The following MTCL3 variants were observed in gnomAD, a reference collection of about 807,000 sequenced individuals.
MTCL3 encodes MTCL family member 3.
the MTCL3 span, among the ~76,000 whole-genome samples, chr6:127,510,003 T>A: frequency 1.6e-4 from 25 of 152,296 alleles, no homozygotes; most frequent in East Asian, 4.6e-3. Context: ...ACCAGAATAT[T>A]ATTTGGTTTT....
At chr6:127,473,236 TAAAC>T in the MTCL3 span, 50 of 1,456,688 alleles carry the variant, frequency 3.4e-5, no homozygotes, top group South Asian at 7.4e-5. Flanking sequence ...GTGAACAAAA[TAAAC>T]AAACTGAAAA....
chr6:127,509,960 T>G, the MTCL3 span, among the ~76,000 whole-genome samples: 3 of 152,234 alleles, frequency 2.0e-5, no homozygotes, highest in Non-Finnish European at 4.4e-5. Flanking sequence ...ACTATGAAGG[T>G]CAACCTCAAA....
the MTCL3 span, among the ~76,000 whole-genome samples, chr6:127,482,052 T>C: frequency 6.6e-6 from 1 of 152,210 alleles, no homozygotes; most frequent in Non-Finnish European, 1.5e-5. The surrounding 1 kb of genome is among the most constrained non-coding windows in gnomAD (Gnocchi z 4.1). Flanking sequence ...GAGGCATGAA[T>C]AATCCACCCC....
the MTCL3 span, among the ~76,000 whole-genome samples, chr6:127,487,813 TTA>T: frequency 8.5e-5 from 13 of 152,130 alleles, no homozygotes; most frequent in African/African-American, 3.1e-4. Context: ...TCTCACTGAG[TTA>T]GAGTCATGCT....
the MTCL3 span, chr6:127,476,594 A>T: frequency 1.4e-6 from 1 of 714,768 alleles, no homozygotes; most frequent in Non-Finnish European, 2.2e-6. The surrounding 1 kb of genome is among the most constrained non-coding windows in gnomAD (Gnocchi z 4.4). Context: ...AGAGAGAAAC[A>T]GAAGCAGATA....
the MTCL3 span, among the ~76,000 whole-genome samples, chr6:127,484,906 T>C: frequency 2.0e-5 from 3 of 152,158 alleles, no homozygotes; most frequent in Non-Finnish European, 4.4e-5. Flanking sequence ...GAATAAATTA[T>C]CAAAAGCATC....
chr6:127,496,657 T>C, the MTCL3 span, among the ~76,000 whole-genome samples: 4 of 152,158 alleles, frequency 2.6e-5, no homozygotes, highest in African/African-American at 9.7e-5. Flanking sequence ...TAACCAAAAG[T>C]TGGAAACAAC....
the MTCL3 span, among the ~76,000 whole-genome samples, chr6:127,489,431 AT>A: frequency 1.3e-5 from 2 of 152,252 alleles, no homozygotes; most frequent in African/African-American, 4.8e-5. Flanking sequence ...AAAGCTAGAA[AT>A]AATTAAGCTT....
At chr6:127,475,766 C>T in the MTCL3 span, 2 of 1,606,818 alleles carry the variant, frequency 1.2e-6, no homozygotes, top group Non-Finnish European at 1.7e-6. The surrounding 1 kb of genome is among the most constrained non-coding windows in gnomAD (Gnocchi z 7.3). Flanking sequence ...GCGTCGCTCT[C>T]GGCGTCGCTG....
At chr6:127,486,857 C>CA in the MTCL3 span, among the ~76,000 whole-genome samples, 1 of 152,004 alleles carries the variant, frequency 6.6e-6, no homozygotes, top group African/African-American at 2.4e-5. Context: ...TAGTATGTAG[C>CA]ATCTTTATGT....
the MTCL3 span, among the ~76,000 whole-genome samples, chr6:127,495,773 C>T: frequency 6.6e-6 from 1 of 152,118 alleles, no homozygotes; most frequent in African/African-American, 2.4e-5. Flanking sequence ...TGATAGCCCA[C>T]AATTACACTT....
At chr6:127,473,395 G>A in the MTCL3 span, 1 of 1,523,138 alleles carries the variant, frequency 6.6e-7, no homozygotes, top group Non-Finnish European at 8.8e-7. Flanking sequence ...GGAACATCTG[G>A]GAAGGTAAAT....
At chr6:127,507,599 A>C in the MTCL3 span, among the ~76,000 whole-genome samples, 1 of 152,022 alleles carries the variant, frequency 6.6e-6, no homozygotes, top group African/African-American at 2.4e-5. Context: ...TTAAAAATGC[A>C]TTCATAGGCC....
At chr6:127,482,255 C>G in the MTCL3 span, among the ~76,000 whole-genome samples, 6,042 of 152,164 alleles carry the variant, frequency 0.04, 410 homozygotes, top group African/African-American at 0.13. This position sits in a 1 kb window ranked among gnomAD's most constrained non-coding sequence, Gnocchi z 4.1. Context: ...GGATTGGGAT[C>G]CCCTTCCTTA....
the MTCL3 span, among the ~76,000 whole-genome samples, chr6:127,500,156 A>G: frequency 1.3e-5 from 2 of 152,004 alleles, no homozygotes; most frequent in African/African-American, 4.8e-5. Flanking sequence ...CCACTGGGGA[A>G]CTCAGATTAA....
chr6:127,515,211 A>G, the MTCL3 span, among the ~76,000 whole-genome samples: 21 of 152,226 alleles, frequency 1.4e-4, no homozygotes, highest in African/African-American at 4.6e-4. The surrounding 1 kb of genome is among the most constrained non-coding windows in gnomAD (Gnocchi z 4.3). Flanking sequence ...AAACTGGGGG[A>G]AAAAGGCCCA....
At chr6:127,476,859 T>C in the MTCL3 span, among the ~76,000 whole-genome samples, 2 of 152,252 alleles carry the variant, frequency 1.3e-5, no homozygotes, top group Non-Finnish European at 1.5e-5. This position sits in a 1 kb window ranked among gnomAD's most constrained non-coding sequence, Gnocchi z 4.4. Context: ...TTGCGGCCAC[T>C]TTTTTGTCAC....
the MTCL3 span, among the ~76,000 whole-genome samples, chr6:127,485,460 C>T: frequency 6.6e-6 from 1 of 151,940 alleles, no homozygotes; most frequent in South Asian, 2.1e-4. Flanking sequence ...AATTATTGTC[C>T]TAGGGTCAAC....
chr6:127,499,929 C>T, the MTCL3 span, among the ~76,000 whole-genome samples: 7 of 152,234 alleles, frequency 4.6e-5, no homozygotes, highest in East Asian at 1.9e-4. Flanking sequence ...GGCGATAGAT[C>T]CCACTGGGAG....
Sources: allele counts gnomAD v4.1 joint callset (sites outside exome capture counted in the v4.1 genomes callset), GRCh38; gene constraint gnomAD v4.1.1; non-coding constraint Gnocchi (gnomAD v3.1); transcripts MANE v1.5; gene names NCBI Gene and HGNC (gene_info 2026-07-23, HGNC 2026-07-21).